IGFL2: variants seen among roughly 807,000 people sequenced by gnomAD.
IGFL2 encodes IGF like family member 2, also known as insulin growth factor-like family member 2.
A neutral mutation model predicts 13.9 loss-of-function variants in IGFL2; 7 were observed. That is an observed-to-expected ratio of 0.51 (90% CI 0.29 to 0.95). IGFL2 has a LOEUF of 0.95. Among genes scored for constraint, IGFL2 ranks in the 40% least tolerant of loss-of-function variants. The probability of loss-of-function intolerance (pLI) is 0.08; values close to 1 mark genes in which losing one functional copy is unlikely to be tolerated. For missense variants in IGFL2, 138 were observed against 147.8 expected, an observed-to-expected ratio of 0.93 and a Z score of 0.34; for synonymous variants, 55 against 55.8, an observed-to-expected ratio of 0.99 and a Z score of 0.07.
the IGFL2 span, among the ~76,000 whole-genome samples, chr19:46,173,358 C>G: frequency 2.0e-5 from 3 of 152,140 alleles, no homozygotes; most frequent in African/African-American, 7.2e-5. Flanking sequence ...ACGTTCTGAC[C>G]CATTATAAAG....
the IGFL2 span, among the ~76,000 whole-genome samples, chr19:46,125,352 CATATT>C: frequency 1.3e-5 from 2 of 152,164 alleles, no homozygotes; most frequent in Non-Finnish European, 2.9e-5. Context: ...TTTTCATAAT[CATATT>C]ATATTAGTGG....
At chr19:46,078,529 T>C in the IGFL2 span, among the ~76,000 whole-genome samples, 4 of 152,358 alleles carry the variant, frequency 2.6e-5, no homozygotes, top group South Asian at 4.1e-4. Context: ...AGCTGGCTAC[T>C]AACCACCTGC....
chr19:46,081,026 C>G, the IGFL2 span, among the ~76,000 whole-genome samples: 2 of 152,168 alleles, frequency 1.3e-5, no homozygotes, highest in African/African-American at 4.8e-5. Flanking sequence ...CTTTTAAACC[C>G]AGCCCACAAT....
chr19:46,176,535 C>T, the IGFL2 span, among the ~76,000 whole-genome samples: 1 of 152,212 alleles, frequency 6.6e-6, no homozygotes, highest in Admixed American at 6.5e-5. Flanking sequence ...GCCTGACATA[C>T]AGAGCTGCCT....
chr19:46,103,582 G>GT, the IGFL2 span, among the ~76,000 whole-genome samples: 5,596 of 152,214 alleles, frequency 0.037, 163 homozygotes, highest in East Asian at 0.072. Flanking sequence ...CGCTGTGATG[G>GT]TTTGGAGGAA....
chr19:46,166,007 T>C (rs1232664520), downstream of IGFL2, among the ~76,000 whole-genome samples: 1 of 152,194 alleles, frequency 6.6e-6, no homozygotes, highest in Non-Finnish European at 1.5e-5. Context: ...AGCATGTGGA[T>C]GCCTGCACAG....
chr19:46,166,470 G>T, the IGFL2 span, among the ~76,000 whole-genome samples: 1 of 152,192 alleles, frequency 6.6e-6, no homozygotes, highest in Non-Finnish European at 1.5e-5. Context: ...CAGGGCCACA[G>T]GACTGAGGCG....
At chr19:46,206,492 G>C in the IGFL2 span, among the ~76,000 whole-genome samples, 11 of 152,318 alleles carry the variant, frequency 7.2e-5, no homozygotes, top group Middle Eastern at 0.02. Context: ...GTGGGGCGGG[G>C]TGAGGGGGAG....
At chr19:46,198,734 A>G in the IGFL2 span, among the ~76,000 whole-genome samples, 3 of 152,182 alleles carry the variant, frequency 2.0e-5, no homozygotes, top group Admixed American at 1.3e-4. Flanking sequence ...TCTGATAACT[A>G]TGCTCGGAGA....
the IGFL2 span, among the ~76,000 whole-genome samples, chr19:46,171,757 C>T: frequency 6.6e-6 from 1 of 152,142 alleles, no homozygotes; most frequent in South Asian, 2.1e-4. Context: ...TTGAACTCCC[C>T]ATCAGTATGA....
At chr19:46,165,877 T>TA (rs1402871530), downstream of IGFL2, among the ~76,000 whole-genome samples, 1 of 152,232 alleles carries the variant, frequency 6.6e-6, no homozygotes, top group Non-Finnish European at 1.5e-5. Flanking sequence ...TTAAGGGACT[T>TA]ACCATGTGGC....
the IGFL2 span, among the ~76,000 whole-genome samples, chr19:46,079,244 GA>G: frequency 2.0e-5 from 3 of 152,276 alleles, no homozygotes; most frequent in Non-Finnish European, 2.9e-5. Flanking sequence ...GGACAATTGG[GA>G]TGCTGCAGAG....
At chr19:46,176,595 C>T in the IGFL2 span, among the ~76,000 whole-genome samples, 1 of 152,166 alleles carries the variant, frequency 6.6e-6, no homozygotes, top group African/African-American at 2.4e-5. Flanking sequence ...CACAGAAGCC[C>T]ACAGGCATCT....
chr19:46,125,134 G>A, the IGFL2 span, among the ~76,000 whole-genome samples: 1 of 152,140 alleles, frequency 6.6e-6, no homozygotes, highest in Admixed American at 6.5e-5. Flanking sequence ...ATGTCAAGGG[G>A]ACCGTTTATG....
the IGFL2 span, chr19:46,196,016 G>A: frequency 6.6e-6 from 1 of 152,344 alleles, no homozygotes; most frequent in Non-Finnish European, 1.5e-5. Flanking sequence ...GGGACCGAGG[G>A]TGGAGGGAGC....
chr19:46,160,942 T>G, intron 3 of IGFL2, 61 bp downstream of exon 3: 1 of 1,588,860 alleles, frequency 6.3e-7, no homozygotes, highest in East Asian at 2.2e-5. Context: ...AGGAGGGGAG[T>G]CTAGATGTCT....
the IGFL2 span, among the ~76,000 whole-genome samples, chr19:46,200,526 C>CT: frequency 7.2e-6 from 1 of 138,404 alleles, no homozygotes; most frequent in African/African-American, 2.7e-5. Flanking sequence ...CTTTTCTTTT[C>CT]TTTCTTTCGT....
At chr19:46,171,801 A>AT in the IGFL2 span, among the ~76,000 whole-genome samples, 1 of 152,224 alleles carries the variant, frequency 6.6e-6, no homozygotes, top group South Asian at 2.1e-4. Context: ...GATGGAGGAT[A>AT]TTACAAGGAA....
chr19:46,202,276 G>T, the IGFL2 span, among the ~76,000 whole-genome samples: 1 of 152,190 alleles, frequency 6.6e-6, no homozygotes, highest in East Asian at 1.9e-4. Context: ...TCTAGATCTT[G>T]TAGGATGGGG....
Sources: allele counts gnomAD v4.1 joint callset (sites outside exome capture counted in the v4.1 genomes callset), GRCh38; gene constraint gnomAD v4.1.1; transcripts MANE v1.5; gene names NCBI Gene and HGNC (gene_info 2026-07-23, HGNC 2026-07-21).